Variants in UBE2O observed in about 807,000 individuals in gnomAD.
The protein encoded by UBE2O is ubiquitin conjugating enzyme E2 O.
In UBE2O, 15 loss-of-function variants were observed where a neutral mutation model predicts 125.8. That is an observed-to-expected ratio of 0.12 (90% CI 0.08 to 0.18). The LOEUF (loss-of-function observed/expected upper bound fraction) is 0.18. Among genes scored for constraint, UBE2O ranks in the 10% least tolerant of loss-of-function variants. UBE2O has a pLI of 1.00. For missense variants in UBE2O, 1,280 were observed against 1,723.6 expected (o/e 0.74, Z 4.56); for synonymous variants, 708 against 703.2 (o/e 1.01, Z -0.11).
At chr17:76,431,463 C>A (rs892470082) in intron 1 of UBE2O, among the ~76,000 whole-genome samples, 3 of 152,174 alleles carry the variant, frequency 2.0e-5, no homozygotes, top group African/African-American at 7.2e-5. Context: ...TTGCAGTGAG[C>A]CGAGATCGCA....
At chr17:76,416,533 A>G (rs1242867153) in intron 1 of UBE2O, among the ~76,000 whole-genome samples, 1 of 152,170 alleles carries the variant, frequency 6.6e-6, no homozygotes, top group Non-Finnish European at 1.5e-5. Flanking sequence ...GTGTCCAAGA[A>G]GTGGGGCAGG....
At chr17:76,418,573 T>TG (rs56334898) in intron 1 of UBE2O, among the ~76,000 whole-genome samples, 3,893 of 148,632 alleles carry the variant, frequency 0.026, 71 homozygotes, top group South Asian at 0.042. Context: ...GAACAGGTTT[T>TG]TTTTTTTTTT....
intron 1 of UBE2O, among the ~76,000 whole-genome samples, chr17:76,429,861 C>A (rs981501201): frequency 2.0e-5 from 3 of 152,190 alleles, no homozygotes; most frequent in African/African-American, 7.2e-5. Flanking sequence ...CGTTACCCTG[C>A]CCCTTGCTCT....
At chr17:76,407,665 G>A (rs565015606) in intron 1 of UBE2O, among the ~76,000 whole-genome samples, 2 of 152,364 alleles carry the variant, frequency 1.3e-5, no homozygotes, top group East Asian at 3.9e-4. Flanking sequence ...CCTTGGGAGT[G>A]CAGGGGAAAC....
rs776181323 is a variant in UBE2O, at chr17:76,405,585, A to C, written c.418-13T>G. 3.2e-6 allele frequency: 5 copies of C among 1,583,874 alleles called. No individual in the cohort carries two copies. The East Asian group carries it at 1.1e-4, about 36-fold the overall frequency. On this transcript the variant is annotated splice_polypyrimidine_tract_variant and intron_variant, in intron 1 of 17. Coordinates refer to ENST00000319380, the MANE Select transcript of UBE2O (RefSeq NM_022066.4). The surrounding 1 kb of genome is among the most constrained non-coding windows in gnomAD (Gnocchi z 6.1). ...CCTCTAGTTTCAGCTGTAAAAGAAA[A>C]TACAGGTGTGAGAGAATGGACTCTG...
intron 1 of UBE2O, among the ~76,000 whole-genome samples, chr17:76,436,587 C>G: frequency 6.6e-6 from 1 of 152,116 alleles, no homozygotes; most frequent in East Asian, 1.9e-4. Flanking sequence ...CAGGCCCCTG[C>G]CCTGCACGCT....
In UBE2O at chr17:76,399,992, G is replaced by A. The variant is rs1008871711; in HGVS notation, c.1156-71C>T. On this transcript the variant is annotated intron_variant, in intron 8 of 17. Coordinates refer to ENST00000319380, the MANE Select transcript of UBE2O (RefSeq NM_022066.4). This position sits in a 1 kb window ranked among gnomAD's most constrained non-coding sequence, Gnocchi z 6.9. ...GCAGGCCTGGCCCTAGGCATCTCAG[G>A]CTGGGGGGATGACAGCTGTATACAC... 7 of 1,533,702 alleles carry A rather than the reference G, an allele frequency of 4.6e-6. No individual in the cohort carries two copies. Among genetic ancestry groups the A allele is most frequent in the Middle Eastern group, 1.9e-4 (1 of 5,332 alleles).
Position 76,433,337 on chromosome 17 carries a change from C to T in UBE2O, c.417+19388G>A, listed in dbSNP as rs138693412. On this transcript the variant is annotated intron_variant, in intron 1 of 17. Transcript: ENST00000319380. Reference sequence around the variant, plus strand: ...AACATCACGTTAAATAAATCAGTCACGAAGGCCACATCTAGTATGCTTCCA... The same window carrying T: ...AACATCACGTTAAATAAATCAGTCATGAAGGCCACATCTAGTATGCTTCCA... Among the ~76,000 whole-genome samples, 412 of 147,668 alleles carry T rather than the reference C, an allele frequency of 2.8e-3. 5 individuals carry two copies. Among genetic ancestry groups the T allele is most frequent in the Non-Finnish European group, 2.1e-3 (138 of 67,212 alleles).
At chr17:76,406,512 C>T (rs1230637130) in intron 1 of UBE2O, among the ~76,000 whole-genome samples, 1 of 151,626 alleles carries the variant, frequency 6.6e-6, no homozygotes, top group African/African-American at 2.4e-5. Flanking sequence ...GAAAGGAGAA[C>T]TGAGTCGCCG....
intron 1 of UBE2O, among the ~76,000 whole-genome samples, chr17:76,425,437 T>C (rs2072796661): frequency 6.6e-6 from 1 of 152,182 alleles, no homozygotes; most frequent in Non-Finnish European, 1.5e-5. Context: ...AACTGTGCTC[T>C]TTTGAAGCAA....
rs1337030572 is a variant in UBE2O, at chr17:76,396,694, A to T, written c.2243T>A (p.Val748Glu). The T allele has an allele frequency of 6.2e-7, 1 of 1,613,764 alleles. No individual in the cohort carries two copies. ...CTCTATCTTGGGGTGCTCGTCCTCCACCAGCCCATTGTCCGTCTCCCAGCT... is the reference window on the plus strand; with the variant it reads ...CTCTATCTTGGGGTGCTCGTCCTCCTCCAGCCCATTGTCCGTCTCCCAGCT... ...SDSWETDNGL[V>E]EDEHPKIEEP... The change falls in exon 14 of 18, where the codon GTG (valine) becomes GAG (glutamate). Residue 748 changes from valine to glutamate, a missense_variant. By Grantham distance (121) the Val-to-Glu change is moderately radical (BLOSUM62 -2). Around this residue, in one of 10 missense-constraint regions of UBE2O, gnomAD observed 210 missense variants for 268.9 expected, o/e 0.78. Transcript: ENST00000319380. The surrounding 1 kb of genome is among the most constrained non-coding windows in gnomAD (Gnocchi z 6.7).
At chr17:76,446,187 A>G (rs961838376) in intron 1 of UBE2O, among the ~76,000 whole-genome samples, 1 of 152,228 alleles carries the variant, frequency 6.6e-6, no homozygotes, top group African/African-American at 2.4e-5. Flanking sequence ...ATAGGAGCAC[A>G]GATCATATCC....
At chr17:76,425,539 A>G (rs2072798157) in intron 1 of UBE2O, among the ~76,000 whole-genome samples, 1 of 152,200 alleles carries the variant, frequency 6.6e-6, no homozygotes, top group African/African-American at 2.4e-5. Flanking sequence ...TATAGACATT[A>G]TCTATTGACG....
At chr17:76,441,831 G>C (rs1364530325) in intron 1 of UBE2O, among the ~76,000 whole-genome samples, 1 of 152,194 alleles carries the variant, frequency 6.6e-6, no homozygotes, top group Non-Finnish European at 1.5e-5. Flanking sequence ...TCAATAGATG[G>C]TTCCTGACTC....
At chr17:76,393,275 T>TA (rs2072146091) in intron 15 of UBE2O, among the ~76,000 whole-genome samples, 1 of 98,018 alleles carries the variant, frequency 1.0e-5, no homozygotes, top group Non-Finnish European at 2.1e-5. Flanking sequence ...TTGGCTTATG[T>TA]GTTTTTTTGA....
In UBE2O at chr17:76,452,253, G is replaced by C. The variant is rs1339623778; in HGVS notation, c.417+472C>G. Among the ~76,000 whole-genome samples, 1 of 152,154 alleles carries C rather than the reference G, an allele frequency of 6.6e-6. No individual in the cohort carries two copies. The highest frequency in any genetic ancestry group is 1.9e-4 in the East Asian group (1 of 5,188). ...TAAGCTAGTGAACTTCTTGGGTTCG[G>C]CTGGGATTTTCACCTCTATCTTTGT... On this transcript the variant is annotated intron_variant, in intron 1 of 17. Coordinates refer to ENST00000319380, the MANE Select transcript of UBE2O (RefSeq NM_022066.4). This position sits in a 1 kb window ranked among gnomAD's most constrained non-coding sequence, Gnocchi z 4.4.
chr17:76,420,203 G>GC (rs2072686612), intron 1 of UBE2O, among the ~76,000 whole-genome samples: 1 of 152,210 alleles, frequency 6.6e-6, no homozygotes, highest in Non-Finnish European at 1.5e-5. Flanking sequence ...CTGAAAAGGA[G>GC]CCACTCAGCA....
intron 1 of UBE2O, among the ~76,000 whole-genome samples, chr17:76,437,985 T>C (rs892679942): frequency 3.3e-5 from 5 of 152,074 alleles, no homozygotes; most frequent in African/African-American, 7.2e-5. Flanking sequence ...GGCATCTAAT[T>C]TGCAATGTGT....
intron 1 of UBE2O, among the ~76,000 whole-genome samples, chr17:76,414,859 G>A (rs907444589): frequency 1.3e-5 from 2 of 152,176 alleles, no homozygotes; most frequent in Admixed American, 1.3e-4. Flanking sequence ...CTCTGTCTTG[G>A]CTCTGGGCTT....
Sources: gnomAD v4.1 joint callset for allele counts (sites outside exome capture counted in the v4.1 genomes callset) on GRCh38, gnomAD v4.1.1 for gene constraint, gnomAD v4.1.1 regional missense constraint, Gnocchi (gnomAD v3.1) non-coding constraint, MANE v1.5 for transcripts, NCBI Gene and HGNC (gene_info 2026-07-23, HGNC 2026-07-21) for gene names.